KCNN2: variants seen among roughly 807,000 people sequenced by gnomAD.
The protein encoded by KCNN2 is small conductance calcium-activated potassium channel protein 2.
A neutral mutation model predicts 55.5 loss-of-function variants in KCNN2; 24 were observed. The observed-to-expected ratio is 0.43, with a 90% CI of 0.31 to 0.61. KCNN2 has a LOEUF of 0.61. Among genes scored for constraint, KCNN2 ranks in the 20% least tolerant of loss-of-function variants. KCNN2 has a pLI of 0.08. For synonymous variants in KCNN2, 431 were observed against 336.1 expected (o/e 1.28, Z -3.09); for missense variants, 754 against 853.6 (o/e 0.88, Z 1.45).
chr5:114,196,208 T>G (rs1753553135), intron 1 of KCNN2, among the ~76,000 whole-genome samples: 1 of 152,024 alleles, frequency 6.6e-6, no homozygotes, highest in African/African-American at 2.4e-5. Context: ...ATTCCTGAGA[T>G]AATTCCCACT....
intron 2 of KCNN2, among the ~76,000 whole-genome samples, chr5:114,323,649 A>ATTGTTTTTTTTTTTTT (rs1756656016): frequency 1.2e-5 from 1 of 85,318 alleles, no homozygotes; most frequent in Non-Finnish European, 2.3e-5. Context: ...AAACATATCA[A>ATTGTTTTTTTTTTTTT]TTTTTTTTTT....
At chr5:114,214,489 C>T (rs1449974919) in intron 1 of KCNN2, among the ~76,000 whole-genome samples, 1 of 152,028 alleles carries the variant, frequency 6.6e-6, no homozygotes, top group Non-Finnish European at 1.5e-5. Context: ...TCAACTAAAG[C>T]ATGGGCATTT....
chr5:114,439,075 A>T (rs72801834), intron 3 of KCNN2, among the ~76,000 whole-genome samples: 8,242 of 152,326 alleles, frequency 0.054, 232 homozygotes, highest in Middle Eastern at 0.078. Flanking sequence ...GAAATTTCAT[A>T]TTCAGTAAAA....
intron 2 of KCNN2, among the ~76,000 whole-genome samples, chr5:114,392,044 A>T (rs905107287): frequency 1.3e-5 from 2 of 152,182 alleles, no homozygotes; most frequent in African/African-American, 2.4e-5. Context: ...CCGTTTGCTT[A>T]TGATTTCAGA....
chr5:114,341,742 A>G (rs183455108), intron 2 of KCNN2, among the ~76,000 whole-genome samples: 51 of 152,310 alleles, frequency 3.3e-4, no homozygotes, highest in Admixed American at 1.6e-3. Flanking sequence ...TAACATACTA[A>G]TGATGAAGGT....
chr5:114,240,475 G>A (rs1215292723), intron 2 of KCNN2, among the ~76,000 whole-genome samples: 1 of 147,616 alleles, frequency 6.8e-6, no homozygotes, highest in Non-Finnish European at 1.5e-5. Flanking sequence ...CTTTTACCCA[G>A]GCTGGAGTTC....
At chr5:114,339,800 C>CACAAACAA (rs879465641) in intron 2 of KCNN2, among the ~76,000 whole-genome samples, 90 of 143,024 alleles carry the variant, frequency 6.3e-4, no homozygotes, top group African/African-American at 2.3e-3. Flanking sequence ...CAGACCTTAT[C>CACAAACAA]ACAAACAAAC....
In KCNN2 at chr5:114,326,224, C is replaced by T. The variant is rs75525880; in HGVS notation, c.-184-34721C>T. ...TTTTAGAGGGATGGATTAATTCTGC[C>T]TAGGTACATGTGAGGTTAGACCTCA... On this transcript the variant is annotated intron_variant, in intron 2 of 10. Transcript: ENST00000512097. 5.9e-5 allele frequency among the ~76,000 whole-genome samples: 9 copies of T among 152,166 alleles called. No individual in the cohort carries two copies. The East Asian group carries it at 1.7e-3, about 29-fold the overall frequency.
intron 1 of KCNN2, among the ~76,000 whole-genome samples, chr5:114,105,147 G>A (rs1751457475): frequency 6.6e-6 from 1 of 151,946 alleles, no homozygotes; most frequent in African/African-American, 2.4e-5. Context: ...CTGGAGCTTG[G>A]CAGTTCTCAG....
intron 3 of KCNN2, among the ~76,000 whole-genome samples, chr5:114,406,364 C>T (rs1758934094): frequency 6.6e-6 from 1 of 151,058 alleles, no homozygotes; most frequent in South Asian, 2.1e-4. Flanking sequence ...ATAAACATAC[C>T]CCTTTCACAA....
At chr5:114,091,905 T>C (rs895634874) in intron 1 of KCNN2, among the ~76,000 whole-genome samples, 1 of 152,204 alleles carries the variant, frequency 6.6e-6, no homozygotes, top group African/African-American at 2.4e-5. Context: ...ATGGGGATTA[T>C]GATTCAAGAT....
chr5:114,384,626 A>T (rs991384335), intron 2 of KCNN2, among the ~76,000 whole-genome samples: 1 of 152,228 alleles, frequency 6.6e-6, no homozygotes, highest in African/African-American at 2.4e-5. Flanking sequence ...ATGGTGCTCC[A>T]GGGAAAGATC....
intron 1 of KCNN2, among the ~76,000 whole-genome samples, chr5:114,149,992 A>C (rs1206010526): frequency 1.3e-5 from 2 of 152,114 alleles, no homozygotes; most frequent in Non-Finnish European, 2.9e-5. Context: ...TTCCATTCCC[A>C]GAGCTATGAA....
intron 2 of KCNN2, among the ~76,000 whole-genome samples, chr5:114,267,403 C>T (rs1396681527): frequency 2.0e-5 from 3 of 152,128 alleles, no homozygotes; most frequent in African/African-American, 2.4e-5. Flanking sequence ...TCCTTATGCT[C>T]ACAGAACTGC....
At chr5:114,446,875 C>A (rs918660936) in intron 3 of KCNN2, among the ~76,000 whole-genome samples, 8 of 152,172 alleles carry the variant, frequency 5.3e-5, no homozygotes, top group African/African-American at 1.9e-4. Context: ...GCGCTCCAGA[C>A]TGGGTGACAG....
intron 1 of KCNN2, among the ~76,000 whole-genome samples, chr5:114,103,739 A>C (rs748896658): frequency 8.2e-5 from 12 of 146,776 alleles, no homozygotes; most frequent in Non-Finnish European, 1.2e-4. Context: ...ATTGATTTGC[A>C]TATGTTGAAT....
chr5:114,224,513 A>T (rs187613666), intron 2 of KCNN2, among the ~76,000 whole-genome samples: 127 of 152,342 alleles, frequency 8.3e-4, no homozygotes, highest in African/African-American at 3.0e-3. Context: ...CTAATTCATG[A>T]CAGGAATAAT....
At chr5:114,187,422 AGTATCCTAGATTCCTGGC>A (rs1753356098) in intron 1 of KCNN2, among the ~76,000 whole-genome samples, 1 of 152,056 alleles carries the variant, frequency 6.6e-6, no homozygotes, top group African/African-American at 2.4e-5. Flanking sequence ...TTTGATGGAA[AGTATCCTAGATTCCTGGC>A]CTAACCTTTT....
At chr5:114,222,892 G>A (rs1754170056) in intron 2 of KCNN2, among the ~76,000 whole-genome samples, 1 of 152,126 alleles carries the variant, frequency 6.6e-6, no homozygotes, top group Admixed American at 6.5e-5. Flanking sequence ...GTGACTACTT[G>A]CTGTGAGTGA....
Sources: gnomAD v4.1 joint callset for allele counts (sites outside exome capture counted in the v4.1 genomes callset) on GRCh38, gnomAD v4.1.1 for gene constraint, MANE v1.5 for transcripts, NCBI Gene and HGNC (gene_info 2026-07-23, HGNC 2026-07-21) for gene names.